Variants in ACVR2B observed in about 807,000 individuals in gnomAD.
ACVR2B encodes activin receptor type-2B.
A neutral mutation model predicts 65.1 loss-of-function variants in ACVR2B; 18 were observed. That is an observed-to-expected ratio of 0.28 (90% CI 0.19 to 0.41). The LOEUF (loss-of-function observed/expected upper bound fraction) is 0.41, where lower values mean the gene tolerates loss of function less well. Ranked by LOEUF, ACVR2B falls within the 10% of genes least tolerant of loss-of-function variation. The pLI, the probability that ACVR2B is intolerant of heterozygous loss-of-function variation, is 1.00. For missense variants in ACVR2B, 482 were observed against 682.7 expected (o/e 0.71, Z 3.28); for synonymous variants, 298 against 277.7 (o/e 1.07, Z -0.73).
rs1254868131 is a variant in ACVR2B, at chr3:38,460,600, C to T, written c.52+6226C>T. 2.0e-5 allele frequency among the ~76,000 whole-genome samples: 3 copies of T among 152,302 alleles called. No homozygotes were observed. The East Asian group carries it at 5.8e-4, about 29-fold the overall frequency. Reference sequence around the variant, plus strand: ...TGCATGTGCCTTTTTCAGATTCTTTCTGGGACTGGCAGCTCCAACTGGGTG... The same window carrying T: ...TGCATGTGCCTTTTTCAGATTCTTTTTGGGACTGGCAGCTCCAACTGGGTG... On this transcript the variant is annotated intron_variant, in intron 1 of 10. Coordinates refer to ENST00000352511, the MANE Select transcript of ACVR2B (RefSeq NM_001106.4).
At chr3:38,465,115 C>T (rs1030954096) in intron 1 of ACVR2B, among the ~76,000 whole-genome samples, 4 of 151,860 alleles carry the variant, frequency 2.6e-5, no homozygotes, top group East Asian at 1.9e-4. Flanking sequence ...TAGAAGTGTT[C>T]GGGCTGGGCG....
At chr3:38,479,400 C>T in intron 6 of ACVR2B, 129 bp downstream of exon 6, 1 of 1,391,244 alleles carries the variant, frequency 7.2e-7, no homozygotes, top group African/African-American at 1.4e-5. Context: ...TAGCACTATC[C>T]ACTATGGGGT....
rs1459122775 is a variant in ACVR2B, at chr3:38,482,346, A to T, written c.1213+10A>T. On this transcript the variant is annotated intron_variant, in intron 9 of 10. Transcript: ENST00000352511. ...TGCAAGGCTGCAGACGGTAAGTAGGATGGCAGCCCTGGGCATCCTAGATTG... is the reference window on the plus strand; with the variant it reads ...TGCAAGGCTGCAGACGGTAAGTAGGTTGGCAGCCCTGGGCATCCTAGATTG... 6.2e-7 allele frequency: 1 copy of T among 1,609,948 alleles called. No homozygotes were observed. Among genetic ancestry groups the T allele is most frequent in the Non-Finnish European group, 8.5e-7 (1 of 1,179,126 alleles).
Position 38,478,397 on chromosome 3 carries a change from C to T in ACVR2B, c.545C>T (p.Ser182Phe). 6.2e-7 allele frequency: 1 copy of T among 1,614,142 alleles called. No homozygotes were observed. Among genetic ancestry groups the T allele is most frequent in the South Asian group, 1.1e-5 (1 of 91,076 alleles). ...IHEDPGPPPP[S>F]PLVGLKPLQL... is the part of the protein sequence containing the mutation. ...CAGGACCCTGGGCCTCCACCACCAT[C>T]CCCTCTGGTGGGCCTGAAGCCACTG... is the stretch of plus-strand genomic sequence containing the variant. The change falls in exon 5 of 11, where the codon TCC becomes TTC. Residue 182 changes from serine to phenylalanine, a missense_variant. By Grantham distance (155) the Ser-to-Phe change is radical. This residue lies in a region of ACVR2B where 95 missense variants were observed against 91.6 expected (regional missense o/e 1.04). Coordinates refer to ENST00000352511, the MANE Select transcript of ACVR2B (RefSeq NM_001106.4).
Position 38,478,071 on chromosome 3 carries a change from C to A in ACVR2B, c.371-70C>A, listed in dbSNP as rs1709943935. On this transcript the variant is annotated intron_variant, in intron 3 of 10. Transcript: ENST00000352511. ...AGTTGGGTGGGGTGTGGCTACAGGGCCCTGTAGTCTGGCTCTGGAAGTGTG... is the reference window on the plus strand; with the variant it reads ...AGTTGGGTGGGGTGTGGCTACAGGGACCTGTAGTCTGGCTCTGGAAGTGTG... The A allele has an allele frequency of 2.5e-6, 4 of 1,596,914 alleles. No individual in the cohort carries two copies. The East Asian group carries it at 8.9e-5, about 36-fold the overall frequency.
intron 1 of ACVR2B, among the ~76,000 whole-genome samples, chr3:38,455,843 T>G (rs577459919): frequency 6.6e-6 from 1 of 152,298 alleles, no homozygotes; most frequent in South Asian, 2.1e-4. Context: ...GGCATTGGTC[T>G]GCTAGAGGGA....
chr3:38,466,889 TGAA>T (rs1170654892), intron 1 of ACVR2B, among the ~76,000 whole-genome samples: 2 of 152,102 alleles, frequency 1.3e-5, no homozygotes, highest in Non-Finnish European at 2.9e-5. Flanking sequence ...ATGTCAGAGA[TGAA>T]GAGAGGAATG....
Position 38,479,163 on chromosome 3 carries a change from C to T in ACVR2B, c.702C>T (p.Phe234=), listed in dbSNP as rs780014318. ...CGTGGCAGAGTGAACGGGAGATCTT[C>T]AGCACACCTGGCATGAAGCACGAGA... ...KQSWQSEREI[F]STPGMKHENL... is the part of the protein sequence containing the mutation. Residue 234 remains phenylalanine (F), a synonymous_variant, in exon 6 of 11, where the codon TTC becomes TTT. Coordinates refer to ENST00000352511, the MANE Select transcript of ACVR2B (RefSeq NM_001106.4). 2.4e-5 allele frequency: 39 copies of T among 1,614,056 alleles called. No homozygotes were observed. The highest frequency in any genetic ancestry group is 1.7e-5 in the Non-Finnish European group (20 of 1,180,040).
chr3:38,477,524 T>G lies in ACVR2B; in HGVS notation c.260+30T>G. ...CCCAAGACTTGCCCTCCTTTCCTCT[T>G]GGACCCACCTGCGCTTATACTGCCC... On this transcript the variant is annotated intron_variant, in intron 2 of 10. Coordinates refer to ENST00000352511, the MANE Select transcript of ACVR2B (RefSeq NM_001106.4). This position sits in a 1 kb window ranked among gnomAD's most constrained non-coding sequence, Gnocchi z 6.7. The G allele has an allele frequency of 1.0e-5, 16 of 1,606,098 alleles. No homozygotes were observed. Among genetic ancestry groups the G allele is most frequent in the Non-Finnish European group, 1.4e-5 (16 of 1,176,260 alleles).
chr3:38,479,089 C>A (rs773064086), intron 5 of ACVR2B, 39 bp from the exon 6 acceptor site: 1 of 1,613,048 alleles, frequency 6.2e-7, no homozygotes, highest in Non-Finnish European at 8.5e-7. Context: ...AGGGCTAAGC[C>A]AGCCACTTGT....
At position 38,477,762 on chromosome 3, in the gene ACVR2B, C is replaced by A; in HGVS notation, c.261-99C>A. Reference sequence around the variant, plus strand: ...TTCACACCGTCCCCCTGGTGTTGCCCATGAGGTGCTCTGTCTGTGAGGAGG... The same window carrying A: ...TTCACACCGTCCCCCTGGTGTTGCCAATGAGGTGCTCTGTCTGTGAGGAGG... On this transcript the variant is annotated intron_variant, in intron 2 of 10. Transcript: ENST00000352511. This position sits in a 1 kb window ranked among gnomAD's most constrained non-coding sequence, Gnocchi z 6.7. 2 of 1,276,084 alleles carry A rather than the reference C, an allele frequency of 1.6e-6. No homozygotes were observed. The highest frequency in any genetic ancestry group is 2.3e-6 in the Non-Finnish European group (2 of 871,760). The allele number at this position is 1,276,084 out of a possible 1,614,324, so 79.0% of individuals were successfully genotyped here.
At chr3:38,464,796 C>A (rs567724896) in intron 1 of ACVR2B, among the ~76,000 whole-genome samples, 1 of 152,158 alleles carries the variant, frequency 6.6e-6, no homozygotes, top group African/African-American at 2.4e-5. Flanking sequence ...GTGGTGCACA[C>A]CTGTAATCCC....
At position 38,482,847 on chromosome 3, in the gene ACVR2B, C is replaced by G. The variant is rs78041404; in HGVS notation, c.1344+287C>G. Among the ~76,000 whole-genome samples the G allele has an allele frequency of 0.026, 3,993 of 152,182 alleles. 180 individuals are homozygous for G. The highest frequency in any genetic ancestry group is 0.089 in the African/African-American group (3,710 of 41,500). On this transcript the variant is annotated intron_variant, in intron 10 of 10. Transcript: ENST00000352511. ...TTCAAGGCAAGTAGTGGTGTCTATCCTAGTAGGGGCCTTGGTGTCTCCTTC... is the reference window on the plus strand; with the variant it reads ...TTCAAGGCAAGTAGTGGTGTCTATCGTAGTAGGGGCCTTGGTGTCTCCTTC...
At position 38,477,539 on chromosome 3, in the gene ACVR2B, T is replaced by A. The variant is rs1433408401; in HGVS notation, c.260+45T>A. On this transcript the variant is annotated intron_variant, in intron 2 of 10. Transcript: ENST00000352511. This position sits in a 1 kb window ranked among gnomAD's most constrained non-coding sequence, Gnocchi z 6.7. ...CCTTTCCTCTTGGACCCACCTGCGC[T>A]TATACTGCCCACTGGGCCATTTGGG... 6.3e-7 allele frequency: 1 copy of A among 1,592,954 alleles called. No individual in the cohort carries two copies. Among genetic ancestry groups the A allele is most frequent in the Admixed American group, 1.7e-5 (1 of 57,466 alleles).
rs942788019 is a variant in ACVR2B at position 38,488,458 on chromosome 3, A to T, written c.*5126A>T. 2 of 152,208 alleles carry T rather than the reference A, an allele frequency of 1.3e-5. No individual in the cohort carries two copies. The highest frequency in any genetic ancestry group is 4.8e-5 in the African/African-American group (2 of 41,454). The allele number at this position is 152,208 out of a possible 1,614,324, so 9.4% of individuals were successfully genotyped here. Reference sequence around the variant, plus strand: ...TTCGGTTGACCCAGTAACATTTTTTAAAACAATTGGTGGCTCCAAAAGGCC... The same window carrying T: ...TTCGGTTGACCCAGTAACATTTTTTTAAACAATTGGTGGCTCCAAAAGGCC... On this transcript the variant is annotated 3_prime_UTR_variant, in exon 11 of 11. Coordinates refer to ENST00000352511, the MANE Select transcript of ACVR2B (RefSeq NM_001106.4).
chr3:38,459,486 C>G (rs1030965320), intron 1 of ACVR2B: 116 of 591,802 alleles, frequency 2.0e-4, no homozygotes, highest in Non-Finnish European at 2.4e-4. Flanking sequence ...GCCTGCCCAG[C>G]AGCCCCTCTC....
chr3:38,463,245 G>C (rs1192888939), intron 1 of ACVR2B, among the ~76,000 whole-genome samples: 1 of 152,210 alleles, frequency 6.6e-6, no homozygotes. Context: ...GCTGCGTGCA[G>C]ACTCTGAAGA....
intron 1 of ACVR2B, among the ~76,000 whole-genome samples, chr3:38,459,359 AGCCTGCCTGCCCGCACCCGCCCACTC>A (rs1476063515): frequency 1.3e-5 from 2 of 152,162 alleles, no homozygotes; most frequent in African/African-American, 4.8e-5. Flanking sequence ...GTGGCTGGGC[AGCCTGCCTGCCCGCACCCGCCCACTC>A]GCCTCTGACC....
At chr3:38,482,057 C>T in intron 8 of ACVR2B, 141 bp from the exon 9 acceptor site, 5 of 1,028,318 alleles carry the variant, frequency 4.9e-6, no homozygotes, top group East Asian at 2.4e-5. Context: ...TGTGGTGAAT[C>T]GAGGTTTGCT....
Sources: allele counts gnomAD v4.1 joint callset (sites outside exome capture counted in the v4.1 genomes callset), GRCh38; gene constraint gnomAD v4.1.1; regional missense constraint gnomAD v4.1.1; non-coding constraint Gnocchi (gnomAD v3.1); transcripts MANE v1.5; gene names NCBI Gene and HGNC (gene_info 2026-07-23, HGNC 2026-07-21).